Variants in RFTN1 observed in about 807,000 individuals in gnomAD.
RFTN1 encodes the protein raftlin, lipid raft linker 1.
A neutral mutation model predicts 46.5 loss-of-function variants in RFTN1; 26 were observed. The observed-to-expected ratio is 0.56, with a 90% confidence interval of 0.41 to 0.78. The LOEUF is 0.78. Ranked by LOEUF, RFTN1 falls within the 30% of genes least tolerant of loss-of-function variation. RFTN1 has a pLI of 0.00. For synonymous variants in RFTN1, 261 were observed against 284.2 expected (o/e 0.92, Z 0.82); for missense variants, 693 against 718.7 (o/e 0.96, Z 0.41).
At chr3:16,482,811 GGAGGGC>G in intron 2 of RFTN1, 1 of 1,536,118 alleles carries the variant, frequency 6.5e-7, no homozygotes, top group South Asian at 1.2e-5. Flanking sequence ...GAGAGGCCAG[GGAGGGC>G]GCAGGGGCAG....
Position 16,386,279 on chromosome 3 carries a change from A to T in RFTN1, c.442-8177T>A, listed in dbSNP as rs565307697. Reference sequence around the variant, plus strand: ...TCAGAAGTCATGCAGGGAAGAGCAAATGTTCAGTGTGCTTGAGCTGAAATT... The same window carrying T: ...TCAGAAGTCATGCAGGGAAGAGCAATTGTTCAGTGTGCTTGAGCTGAAATT... On this transcript the variant is annotated intron_variant, in intron 4 of 9. Transcript: ENST00000334133. Among the ~76,000 whole-genome samples, 5 of 152,342 alleles carry T rather than the reference A, an allele frequency of 3.3e-5. No homozygotes were observed. In the South Asian group the frequency reaches 6.2e-4, roughly 19 times the overall value.
chr3:16,323,608 C>A, intron 8 of RFTN1, 151 bp from the exon 9 acceptor site: 2 of 570,770 alleles, frequency 3.5e-6, no homozygotes, highest in Non-Finnish European at 6.1e-6. Flanking sequence ...CTTCCGCTCC[C>A]AGGCCATCCA....
At chr3:16,437,431 G>A (rs1187789244) in intron 2 of RFTN1, among the ~76,000 whole-genome samples, 1 of 152,080 alleles carries the variant, frequency 6.6e-6, no homozygotes, top group African/African-American at 2.4e-5. Context: ...CTGCCCTCAA[G>A]GAGAATCGCT....
intron 2 of RFTN1, among the ~76,000 whole-genome samples, chr3:16,436,422 T>A (rs2075517577): frequency 1.3e-5 from 2 of 151,822 alleles, no homozygotes; most frequent in South Asian, 4.2e-4. Context: ...GGTGGTGCTA[T>A]CCCCGCTCAC....
In RFTN1 at chr3:16,460,273, C is replaced by T. The variant is rs1303832990; in HGVS notation, c.146-26236G>A. 1.3e-5 allele frequency among the ~76,000 whole-genome samples: 2 copies of T among 152,104 alleles called. No homozygotes were observed. The highest frequency in any genetic ancestry group is 4.8e-5 in the African/African-American group (2 of 41,406). On this transcript the variant is annotated intron_variant, in intron 2 of 9. Coordinates refer to ENST00000334133, the MANE Select transcript of RFTN1 (RefSeq NM_015150.2). The surrounding 1 kb of genome is among the most constrained non-coding windows in gnomAD (Gnocchi z 4.8). ...TACTGGGATCTGGCAGGATGAGTTGCACATGGGTAGCATTTATATTAACTA... is the reference window on the plus strand; with the variant it reads ...TACTGGGATCTGGCAGGATGAGTTGTACATGGGTAGCATTTATATTAACTA...
rs35848042 is a variant in RFTN1 at position 16,507,599 on chromosome 3, A to AACACACAC, written c.-9+5835_-9+5842dup. 1.2e-3 allele frequency among the ~76,000 whole-genome samples: 165 copies of AACACACAC among 142,718 alleles called. No individual in the cohort carries two copies. Among genetic ancestry groups the AACACACAC allele is most frequent in the African/African-American group, 4.1e-3 (157 of 38,368 alleles). The allele number at this position is 142,718 out of a possible 152,430, so 93.6% of individuals were successfully genotyped here. A position where few individuals can be genotyped will look rare whatever the true frequency, so the allele number is the denominator to read the frequency against. On this transcript the variant is annotated intron_variant, in intron 1 of 9. Coordinates refer to ENST00000334133, the MANE Select transcript of RFTN1 (RefSeq NM_015150.2). The surrounding 1 kb of genome is among the most constrained non-coding windows in gnomAD (Gnocchi z 7.1). ...TAAAAGGCAAAGTAGGGAGTTTCAA[A>AACACACAC]ACACACACACACACACACACACATA... is the stretch of plus-strand genomic sequence containing the variant.
chr3:16,361,845 G>C lies in RFTN1; in HGVS notation c.1031-3798C>G, dbSNP rs549124199. On this transcript the variant is annotated intron_variant, in intron 6 of 9. Coordinates refer to ENST00000334133, the MANE Select transcript of RFTN1 (RefSeq NM_015150.2). This position sits in a 1 kb window ranked among gnomAD's most constrained non-coding sequence, Gnocchi z 4.3. ...ACATTGAGAGGGCATGCCCCAGTTA[G>C]CCAGTTGGTTCTAGGGAGATGAAGG... 4.3e-4 allele frequency among the ~76,000 whole-genome samples: 65 copies of C among 152,312 alleles called. No homozygotes were observed. The highest frequency in any genetic ancestry group is 1.5e-3 in the African/African-American group (63 of 41,570).
At position 16,449,391 on chromosome 3, in the gene RFTN1, T is replaced by C. The variant is rs1298055035; in HGVS notation, c.146-15354A>G. On this transcript the variant is annotated intron_variant, in intron 2 of 9. Coordinates refer to ENST00000334133, the MANE Select transcript of RFTN1 (RefSeq NM_015150.2). The surrounding 1 kb of genome is among the most constrained non-coding windows in gnomAD (Gnocchi z 5.1). ...CCCTTACTAGCCATATGACTTTGGG[T>C]GAATTACGAATGCTTATGGGCCTCA... Among the ~76,000 whole-genome samples, 1 of 152,136 alleles carries C rather than the reference T, an allele frequency of 6.6e-6. No individual in the cohort carries two copies. Among genetic ancestry groups the C allele is most frequent in the Non-Finnish European group, 1.5e-5 (1 of 68,018 alleles).
Position 16,383,025 on chromosome 3 carries a change from T to C in RFTN1, c.442-4923A>G, listed in dbSNP as rs542311991. Among the ~76,000 whole-genome samples, 61 of 152,338 alleles carry C rather than the reference T, an allele frequency of 4.0e-4. No individual in the cohort carries two copies. The highest frequency in any genetic ancestry group is 7.1e-4 in the Non-Finnish European group (48 of 68,028). On this transcript the variant is annotated intron_variant, in intron 4 of 9. Coordinates refer to ENST00000334133, the MANE Select transcript of RFTN1 (RefSeq NM_015150.2). This position sits in a 1 kb window ranked among gnomAD's most constrained non-coding sequence, Gnocchi z 4.0. ...AACTATTAACATTGCACAGCTCTTC[T>C]ACAAAGAACTTTCACATGCATTCCC...
chr3:16,433,338 T>C lies in RFTN1; in HGVS notation c.332+513A>G, dbSNP rs1406069437. On this transcript the variant is annotated intron_variant, in intron 3 of 9. Coordinates refer to ENST00000334133, the MANE Select transcript of RFTN1 (RefSeq NM_015150.2). This position sits in a 1 kb window ranked among gnomAD's most constrained non-coding sequence, Gnocchi z 4.4. ...AAATCTAAATCAAGACCAAACCAAT[T>C]ATAGCATTTTATTTAGGTGGTGTTT... Among the ~76,000 whole-genome samples the C allele has an allele frequency of 6.6e-6, 1 of 152,066 alleles. No individual in the cohort carries two copies. Among genetic ancestry groups the C allele is most frequent in the African/African-American group, 2.4e-5 (1 of 41,394 alleles).
chr3:16,485,583 G>C (rs974111106), intron 2 of RFTN1, among the ~76,000 whole-genome samples: 2 of 152,256 alleles, frequency 1.3e-5, no homozygotes, highest in South Asian at 4.1e-4. Flanking sequence ...TATTCAAAAA[G>C]AAGCAAAACT....
rs759572019 is a variant in RFTN1 at position 16,489,548 on chromosome 3, G to A, written c.145+4177C>T. On this transcript the variant is annotated intron_variant, in intron 2 of 9. Coordinates refer to ENST00000334133, the MANE Select transcript of RFTN1 (RefSeq NM_015150.2). The surrounding 1 kb of genome is among the most constrained non-coding windows in gnomAD (Gnocchi z 4.0). ...GATGTGATGAGGGTTTTATGGGTTG[G>A]AACACTTTAAATATGTGCAATGTAG... Among the ~76,000 whole-genome samples the A allele has an allele frequency of 6.6e-6, 1 of 152,174 alleles. No homozygotes were observed. Among genetic ancestry groups the A allele is most frequent in the Non-Finnish European group, 1.5e-5 (1 of 68,030 alleles).
Position 16,489,916 on chromosome 3 carries a change from A to C in RFTN1, c.145+3809T>G, listed in dbSNP as rs2076512460. Among the ~76,000 whole-genome samples, 1 of 152,200 alleles carries C rather than the reference A, an allele frequency of 6.6e-6. No homozygotes were observed. The highest frequency in any genetic ancestry group is 2.4e-5 in the African/African-American group (1 of 41,452). On this transcript the variant is annotated intron_variant, in intron 2 of 9. Transcript: ENST00000334133. This position sits in a 1 kb window ranked among gnomAD's most constrained non-coding sequence, Gnocchi z 4.0. The stretch of plus-strand genomic sequence containing the variant: ...GAGCGAGACTCCATGTCAAAAAAAA[A>C]CAAAATAAAGAAAGAAAAATGAGGT...
chr3:16,331,823 T>G (rs1479779708), intron 7 of RFTN1, among the ~76,000 whole-genome samples: 1 of 152,226 alleles, frequency 6.6e-6, no homozygotes, highest in African/African-American at 2.4e-5. Flanking sequence ...TAGGCAACAA[T>G]GCCCTAGAAG....
chr3:16,470,176 A>G (rs997882358), intron 2 of RFTN1, among the ~76,000 whole-genome samples: 1 of 152,064 alleles, frequency 6.6e-6, no homozygotes, highest in Non-Finnish European at 1.5e-5. Context: ...ATGACTGAGG[A>G]TGCTCCTATA....
Position 16,345,477 on chromosome 3 carries a change from C to T in RFTN1, c.1146+12455G>A, listed in dbSNP as rs1322844554. Among the ~76,000 whole-genome samples, 2 of 152,120 alleles carry T rather than the reference C, an allele frequency of 1.3e-5. No homozygotes were observed. The highest frequency in any genetic ancestry group is 1.9e-4 in the East Asian group (1 of 5,194). ...AAAGATTAGCATTTGAATGGGTCAA[C>T]TGAGTAGACCAGATGGCCCTCCCCA... On this transcript the variant is annotated intron_variant, in intron 7 of 9. Coordinates refer to ENST00000334133, the MANE Select transcript of RFTN1 (RefSeq NM_015150.2). The surrounding 1 kb of genome is among the most constrained non-coding windows in gnomAD (Gnocchi z 5.2).
intron 2 of RFTN1, among the ~76,000 whole-genome samples, chr3:16,470,485 GAA>G (rs1176929069): frequency 6.6e-6 from 1 of 152,148 alleles, no homozygotes; most frequent in Non-Finnish European, 1.5e-5. Context: ...ACAGAAGACA[GAA>G]CACAGGGCTA....
chr3:16,393,415 C>T (rs566296238), intron 4 of RFTN1, among the ~76,000 whole-genome samples: 16 of 152,250 alleles, frequency 1.1e-4, no homozygotes, highest in African/African-American at 3.9e-4. Context: ...GTGAAATACA[C>T]CACTTATAAA....
At position 16,459,060 on chromosome 3, in the gene RFTN1, G is replaced by C. The variant is rs2075962668; in HGVS notation, c.146-25023C>G. On this transcript the variant is annotated intron_variant, in intron 2 of 9. Transcript: ENST00000334133. The surrounding 1 kb of genome is among the most constrained non-coding windows in gnomAD (Gnocchi z 4.2). ...GGTGATTCTCCCACCTCAGCCTCCC[G>C]AGTAGCTGGGACCACAGGTGTGCAC... Among the ~76,000 whole-genome samples, 1 of 152,064 alleles carries C rather than the reference G, an allele frequency of 6.6e-6. No individual in the cohort carries two copies.
Sources: gnomAD v4.1 joint callset for allele counts (sites outside exome capture counted in the v4.1 genomes callset) on GRCh38, gnomAD v4.1.1 for gene constraint, Gnocchi (gnomAD v3.1) non-coding constraint, MANE v1.5 for transcripts, NCBI Gene and HGNC (gene_info 2026-07-23, HGNC 2026-07-21) for gene names.